The following MROH2A variants were observed in gnomAD, a reference collection of about 807,000 sequenced individuals.
The protein encoded by MROH2A is maestro heat like repeat family member 2A.
In MROH2A, 174 loss-of-function variants were observed where a neutral mutation model predicts 200.4. That is an observed-to-expected ratio of 0.87 (90% CI 0.77 to 0.98). The LOEUF is 0.98. Among genes scored for constraint, MROH2A ranks in the 50% least tolerant of loss-of-function variants. The pLI, the probability that MROH2A is intolerant of heterozygous loss-of-function variation, is 0.00. For missense variants in MROH2A, 2,045 were observed against 2,139.6 expected, an observed-to-expected ratio of 0.96 and a Z score of 0.87; for synonymous variants, 829 against 840.4, an observed-to-expected ratio of 0.99 and a Z score of 0.23.
Position 233,816,899 on chromosome 2 carries a change from T to G in MROH2A, c.2961+14T>G, listed in dbSNP as rs1370585165. 28 of 1,468,068 alleles carry G rather than the reference T, an allele frequency of 1.9e-5. No homozygotes were observed. Among genetic ancestry groups the G allele is most frequent in the Non-Finnish European group, 2.5e-5 (27 of 1,073,696 alleles). The allele number at this position is 1,468,068 out of a possible 1,614,324, so 90.9% of individuals were successfully genotyped here. A position where few individuals can be genotyped will look rare whatever the true frequency, so the allele number is the denominator to read the frequency against. On this transcript the variant is annotated intron_variant, in intron 27 of 41. Coordinates refer to ENST00000389758, the MANE Select transcript of MROH2A (RefSeq NM_001394639.1). ...ACTGCTGTCTGTGTGAGTCCAGGAG[T>G]CCCCAGCCCCCAGCCTGCTGCTCTG...
intron 26 of MROH2A, among the ~76,000 whole-genome samples, chr2:233,815,229 G>A (rs770274458): frequency 4.6e-5 from 7 of 152,170 alleles, no homozygotes; most frequent in Non-Finnish European, 7.3e-5. Flanking sequence ...CACTTTTGAA[G>A]GGTGCTGGTT....
upstream of MROH2A, among the ~76,000 whole-genome samples, chr2:233,776,379 G>A (rs1179864041): frequency 4.2e-5 from 6 of 143,158 alleles, no homozygotes; most frequent in African/African-American, 7.9e-5. Flanking sequence ...TTTTTGAGAC[G>A]GAGTCTCACT....
chr2:233,783,230 T>A (rs146567512), intron 3 of MROH2A, among the ~76,000 whole-genome samples: 1 of 152,184 alleles, frequency 6.6e-6, no homozygotes, highest in Non-Finnish European at 1.5e-5. Context: ...GCTGGCCTTG[T>A]AGTATGAGTT....
intron 5 of MROH2A, among the ~76,000 whole-genome samples, chr2:233,790,271 C>A (rs76892756): frequency 7.3e-6 from 1 of 136,338 alleles, no homozygotes; most frequent in South Asian, 2.5e-4. Context: ...TTCCATCTCT[C>A]TTTCTTTTTT....
At chr2:233,816,515 G>C (rs561839994) in intron 26 of MROH2A, among the ~76,000 whole-genome samples, 1 of 152,324 alleles carries the variant, frequency 6.6e-6, no homozygotes, top group African/African-American at 2.4e-5. Flanking sequence ...GGAGTGCAGG[G>C]TGGGCTGTGC....
chr2:233,788,938 CAAAAAAAAAAA>C (rs56084976), intron 3 of MROH2A, among the ~76,000 whole-genome samples: 15 of 47,486 alleles, frequency 3.2e-4, no homozygotes, highest in African/African-American at 4.5e-4. Context: ...GACTCCGTCT[CAAAAAAAAAAA>C]AAAAAAAAAA....
At position 233,828,565 on chromosome 2, in the gene MROH2A, G is replaced by A. The variant is rs1025567213; in HGVS notation, c.4114-65G>A. 5.9e-6 allele frequency: 9 copies of A among 1,524,856 alleles called. No homozygotes were observed. The South Asian group carries it at 6.2e-5, about 10-fold the overall frequency. 94.5% of individuals were successfully genotyped at this position (1,524,856 alleles called of 1,614,324 possible). On this transcript the variant is annotated intron_variant, in intron 35 of 41. Coordinates refer to ENST00000389758, the MANE Select transcript of MROH2A (RefSeq NM_001394639.1). This position sits in a 1 kb window ranked among gnomAD's most constrained non-coding sequence, Gnocchi z 4.6. Reference sequence around the variant, plus strand: ...CAATCTGCATTACCTCTCCTCCCACGTCCCACCTTGCTGCTGAGAAATGAG... The same window carrying A: ...CAATCTGCATTACCTCTCCTCCCACATCCCACCTTGCTGCTGAGAAATGAG...
rs113039288 is a variant in MROH2A at position 233,794,364 on chromosome 2, T to C, written c.824T>C (p.Val275Ala). The change falls in exon 8 of 42, where the codon GTG becomes GCG. Residue 275 changes from valine (V) to alanine (A), a missense_variant and splice_region_variant. Val to Ala is a moderately conservative substitution (Grantham distance 64, BLOSUM62 0). Coordinates refer to ENST00000389758, the MANE Select transcript of MROH2A (RefSeq NM_001394639.1). ...TVWLRHYNPE[V>A]KLGVIKSLKP... ...CCCAGAGCTGGTTTCTGGTGGCAGG[T>C]GAAGCTGGGGGTGATCAAGTCCCTG... 380 of 1,549,778 alleles carry C rather than the reference T, an allele frequency of 2.5e-4. 1 individual carries two copies. The African/African-American group carries it at 4.6e-3, about 19-fold the overall frequency.
At chr2:233,783,518 A>G (rs1701049194) in intron 3 of MROH2A, among the ~76,000 whole-genome samples, 1 of 151,342 alleles carries the variant, frequency 6.6e-6, no homozygotes, top group Non-Finnish European at 1.5e-5. Context: ...GTTGTTTGTA[A>G]CTCTAATAAC....
chr2:233,824,820 C>T (rs1704194319), intron 35 of MROH2A, among the ~76,000 whole-genome samples: 1 of 152,080 alleles, frequency 6.6e-6, no homozygotes, highest in Non-Finnish European at 1.5e-5. Context: ...TTTTTTGGTT[C>T]CATATGAATT....
intron 15 of MROH2A, 80 bp downstream of exon 15, chr2:233,802,395 A>G (rs771210364): frequency 1.3e-5 from 18 of 1,437,372 alleles, no homozygotes; most frequent in Non-Finnish European, 1.7e-5. Context: ...CCCTCTCCAC[A>G]TTCCTCCCAC....
rs1704539459 is a variant in MROH2A, at chr2:233,829,131, C to G, written c.4446+59C>G. The G allele has an allele frequency of 3.5e-6, 5 of 1,424,162 alleles. No homozygotes were observed. In the South Asian group the frequency reaches 5.9e-5, roughly 17 times the overall value. The allele number at this position is 1,424,162 out of a possible 1,614,324, so 88.2% of individuals were successfully genotyped here. ...AGTGAAGGAGGGGCACTTCTCAGACCCTAAGGAAGAGATGGGCTCTAGAGC... is the reference window on the plus strand; with the variant it reads ...AGTGAAGGAGGGGCACTTCTCAGACGCTAAGGAAGAGATGGGCTCTAGAGC... On this transcript the variant is annotated intron_variant, in intron 37 of 41. Transcript: ENST00000389758.
rs1249905111 is a variant in MROH2A at position 233,820,990 on chromosome 2, C to T, written c.3512+934C>T. 6.6e-6 allele frequency among the ~76,000 whole-genome samples: 1 copy of T among 152,126 alleles called. No individual in the cohort carries two copies. The highest frequency in any genetic ancestry group is 2.4e-5 in the African/African-American group (1 of 41,424). On this transcript the variant is annotated intron_variant, in intron 31 of 41. Transcript: ENST00000389758. The surrounding 1 kb of genome is among the most constrained non-coding windows in gnomAD (Gnocchi z 4.1). The stretch of plus-strand genomic sequence containing the variant: ...GGGTAAGGGGGATGTGCGGTGCAGC[C>T]CTGGGTCAGGCTGGCGTACTTGGTG...
At chr2:233,797,616 C>G (rs539304282) in intron 11 of MROH2A, among the ~76,000 whole-genome samples, 4 of 152,284 alleles carry the variant, frequency 2.6e-5, no homozygotes, top group Non-Finnish European at 4.4e-5. Flanking sequence ...ATAAACAGGT[C>G]TGAAGGACAA....
At chr2:233,791,160 C>T (rs533603854) in intron 5 of MROH2A, among the ~76,000 whole-genome samples, 116 of 152,264 alleles carry the variant, frequency 7.6e-4, no homozygotes, top group Non-Finnish European at 1.1e-3. Context: ...GCCTTGGGGA[C>T]GTCACCTCGG....
Position 233,807,291 on chromosome 2 carries a change from G to C in MROH2A, c.2053-132G>C, listed in dbSNP as rs1292757802. On this transcript the variant is annotated intron_variant, in intron 19 of 41. Coordinates refer to ENST00000389758, the MANE Select transcript of MROH2A (RefSeq NM_001394639.1). This position sits in a 1 kb window ranked among gnomAD's most constrained non-coding sequence, Gnocchi z 4.3. Reference sequence around the variant, plus strand: ...TTTTGCACTTGTGAATTGTGCTGCTGTAAACGTGTGTGCAAGTATCTTCTG... The same window carrying C: ...TTTTGCACTTGTGAATTGTGCTGCTCTAAACGTGTGTGCAAGTATCTTCTG... The C allele has an allele frequency of 9.8e-7, 1 of 1,023,032 alleles. No individual in the cohort carries two copies. Among genetic ancestry groups the C allele is most frequent in the African/African-American group, 1.6e-5 (1 of 61,812 alleles). The allele number at this position is 1,023,032 out of a possible 1,614,324, so 63.4% of individuals were successfully genotyped here.
chr2:233,807,801 C>T lies in MROH2A; in HGVS notation c.2241C>T (p.Asp747=). The part of the protein sequence containing the change: ...QVKTVLNVLH[D]FEERIQESEQ... ...AAACGGTGCTGAATGTGCTTCATGA[C>T]TTCGAGGAGAGGATCCAGGAGTCAG... The change falls in exon 21 of 42, where the codon GAC becomes GAT. Residue 747 remains aspartate (D), a synonymous_variant. Coordinates refer to ENST00000389758, the MANE Select transcript of MROH2A (RefSeq NM_001394639.1). This position sits in a 1 kb window ranked among gnomAD's most constrained non-coding sequence, Gnocchi z 4.3. The T allele has an allele frequency of 6.4e-7, 1 of 1,550,916 alleles. No individual in the cohort carries two copies. Among genetic ancestry groups the T allele is most frequent in the East Asian group, 2.4e-5 (1 of 40,920 alleles).
intron 38 of MROH2A, among the ~76,000 whole-genome samples, chr2:233,830,293 C>T (rs1704635348): frequency 6.6e-6 from 1 of 152,136 alleles, no homozygotes; most frequent in African/African-American, 2.4e-5. Context: ...TCAGGCTAAC[C>T]CCGGCTGGCT....
intron 28 of MROH2A, 24 bp from the exon 29 acceptor site, chr2:233,818,628 T>G: frequency 6.9e-7 from 1 of 1,453,262 alleles, no homozygotes; most frequent in Non-Finnish European, 9.4e-7. Context: ...CTGCTGGTCA[T>G]TTCTGAAGTT....
Sources: gnomAD v4.1 joint callset for allele counts (sites outside exome capture counted in the v4.1 genomes callset) on GRCh38, gnomAD v4.1.1 for gene constraint, Gnocchi (gnomAD v3.1) non-coding constraint, MANE v1.5 for transcripts, NCBI Gene and HGNC (gene_info 2026-07-23, HGNC 2026-07-21) for gene names.